The following LRRC4C variants were observed in gnomAD, a reference collection of about 807,000 sequenced individuals.
LRRC4C encodes leucine rich repeat containing 4C.
LRRC4C carries 5 observed loss-of-function variants against 33.6 expected under a neutral mutation model. That is an observed-to-expected ratio of 0.15 (90% CI 0.08 to 0.31). The LOEUF (loss-of-function observed/expected upper bound fraction) is 0.31, where lower values mean the gene tolerates loss of function less well. LRRC4C is among the 10% of genes least tolerant of loss of function. The pLI is 1.00. For missense variants in LRRC4C, 560 were observed against 796.7 expected (o/e 0.70, Z 3.58); for synonymous variants, 329 against 302.0 (o/e 1.09, Z -0.93).
intron 1 of LRRC4C, among the ~76,000 whole-genome samples, chr11:41,263,415 TTC>T (rs1311729231): frequency 1.3e-5 from 2 of 152,294 alleles, no homozygotes; most frequent in Admixed American, 6.5e-5. Flanking sequence ...CATACAATTT[TTC>T]TCAGTGCCAC....
intron 5 of LRRC4C, among the ~76,000 whole-genome samples, chr11:40,202,258 T>G (rs1289762833): frequency 6.7e-6 from 1 of 148,250 alleles, no homozygotes; most frequent in African/African-American, 2.5e-5. Context: ...CACACTTGGC[T>G]GGCCAGAGGG....
At chr11:41,009,239 AT>A (rs1283217480) in intron 1 of LRRC4C, among the ~76,000 whole-genome samples, 8 of 151,994 alleles carry the variant, frequency 5.3e-5, no homozygotes, top group Admixed American at 4.6e-4. Flanking sequence ...AAACATATAT[AT>A]TTTGAATATA....
chr11:41,386,206 T>C (rs988416128), intron 1 of LRRC4C, among the ~76,000 whole-genome samples: 1 of 151,630 alleles, frequency 6.6e-6, no homozygotes, highest in Non-Finnish European at 1.5e-5. Context: ...GGAGCAATAA[T>C]GGATGGCAGT....
intron 1 of LRRC4C, among the ~76,000 whole-genome samples, chr11:41,249,893 C>G (rs1948583647): frequency 6.6e-6 from 1 of 152,112 alleles, no homozygotes; most frequent in South Asian, 2.1e-4. Context: ...TGTGGACTTC[C>G]TTTTCTCCAC....
intron 2 of LRRC4C, among the ~76,000 whole-genome samples, chr11:40,671,434 G>T (rs1446854195): frequency 3.9e-5 from 6 of 152,106 alleles, no homozygotes; most frequent in Non-Finnish European, 8.8e-5. Flanking sequence ...CTTAATTAAA[G>T]GATTGGGAAG....
In LRRC4C at chr11:41,375,699, T is replaced by C. The variant is rs370035394; in HGVS notation, c.-496+83732A>G. Among the ~76,000 whole-genome samples the C allele has an allele frequency of 8.5e-5, 13 of 152,316 alleles. No homozygotes were observed. In the East Asian group the frequency reaches 2.5e-3, roughly 29 times the overall value. ...ATATCACAATACTATAGAACTATTA[T>C]AGTCAAACTATGAATTAATAGCTAT... On this transcript the variant is annotated intron_variant, in intron 1 of 6. Transcript: ENST00000528697.
intron 3 of LRRC4C, among the ~76,000 whole-genome samples, chr11:40,640,326 C>T (rs563049692): frequency 8.8e-4 from 133 of 151,930 alleles, no homozygotes; most frequent in African/African-American, 3.0e-3. Flanking sequence ...TATTTCTATC[C>T]TATTTTGTCT....
chr11:41,182,607 G>A (rs557138396), intron 1 of LRRC4C, among the ~76,000 whole-genome samples: 132 of 152,102 alleles, frequency 8.7e-4, no homozygotes, highest in African/African-American at 3.1e-3. Context: ...ATGTATGCTA[G>A]GATCTCTAAA....
chr11:41,024,092 T>TAG (rs1427569691), intron 1 of LRRC4C, among the ~76,000 whole-genome samples: 1 of 151,634 alleles, frequency 6.6e-6, no homozygotes, highest in Non-Finnish European at 1.5e-5. Flanking sequence ...CCAAATTATA[T>TAG]AGATAGTCCT....
intron 1 of LRRC4C, among the ~76,000 whole-genome samples, chr11:41,414,394 G>GA (rs147172418): frequency 6.6e-6 from 1 of 152,100 alleles, no homozygotes; most frequent in Non-Finnish European, 1.5e-5. Flanking sequence ...TATAGGTGGA[G>GA]AAAAAAGTCT....
chr11:40,778,593 G>C (rs529031986), intron 2 of LRRC4C, among the ~76,000 whole-genome samples: 59 of 152,280 alleles, frequency 3.9e-4, no homozygotes, highest in Non-Finnish European at 7.6e-4. Flanking sequence ...GCAAGCAAGA[G>C]AGAATTCTTG....
At chr11:40,243,194 G>A (rs1260388179) in intron 4 of LRRC4C, among the ~76,000 whole-genome samples, 1 of 152,132 alleles carries the variant, frequency 6.6e-6, no homozygotes, top group Non-Finnish European at 1.5e-5. Context: ...TAAGTTTTAT[G>A]TGTTCAAATT....
chr11:40,989,638 T>G (rs1853358573), intron 1 of LRRC4C, among the ~76,000 whole-genome samples: 1 of 152,176 alleles, frequency 6.6e-6, no homozygotes, highest in Non-Finnish European at 1.5e-5. Context: ...CTTACTATTT[T>G]TACTCAGTTG....
chr11:40,992,856 A>T (rs963970286), intron 1 of LRRC4C, among the ~76,000 whole-genome samples: 2 of 152,174 alleles, frequency 1.3e-5, no homozygotes, highest in African/African-American at 4.8e-5. Context: ...TGAAATCCTG[A>T]CATACCATAG....
chr11:40,863,120 C>G (rs1263284262), intron 2 of LRRC4C, among the ~76,000 whole-genome samples: 1 of 152,210 alleles, frequency 6.6e-6, no homozygotes, highest in Non-Finnish European at 1.5e-5. Context: ...AAAGACTGAG[C>G]AGAGCTAATA....
chr11:40,348,979 T>C (rs956313362), intron 3 of LRRC4C, among the ~76,000 whole-genome samples: 1 of 152,162 alleles, frequency 6.6e-6, no homozygotes, highest in Non-Finnish European at 1.5e-5. Flanking sequence ...ATTTGTGGGG[T>C]ATATGAGATA....
rs1555008817 is a variant in LRRC4C, at chr11:40,936,065, T to TATATATATATATATAA, written c.-495-2343_-495-2342insTTATATATATATATAT. Among the ~76,000 whole-genome samples, 22 of 75,820 alleles carry TATATATATATATATAA rather than the reference T, an allele frequency of 2.9e-4. 4 individuals carry two copies. The highest frequency in any genetic ancestry group is 5.0e-4 in the Non-Finnish European group (18 of 36,134). 49.7% of individuals were successfully genotyped at this position (75,820 alleles called of 152,430 possible). A position where few individuals can be genotyped will look rare whatever the true frequency, so the allele number is the denominator to read the frequency against. On this transcript the variant is annotated intron_variant, in intron 1 of 6. Transcript: ENST00000528697. ...ATATATATATATATATATATATATA[T>TATATATATATATATAA]AACATAGTTTGAACCTTAACTCTGT...
chr11:40,812,409 T>C (rs1256912131), intron 2 of LRRC4C, among the ~76,000 whole-genome samples: 1 of 152,176 alleles, frequency 6.6e-6, no homozygotes, highest in Non-Finnish European at 1.5e-5. Flanking sequence ...ACAGCAATGG[T>C]ATTAATAATA....
chr11:40,396,846 G>A (rs558275598), intron 3 of LRRC4C, among the ~76,000 whole-genome samples: 32 of 152,112 alleles, frequency 2.1e-4, no homozygotes, highest in Admixed American at 1.0e-3. Flanking sequence ...TGTTGAAGAT[G>A]TAAAAACAAA....
Sources: gnomAD v4.1 joint callset for allele counts (sites outside exome capture counted in the v4.1 genomes callset) on GRCh38, gnomAD v4.1.1 for gene constraint, MANE v1.5 for transcripts, NCBI Gene and HGNC (gene_info 2026-07-23, HGNC 2026-07-21) for gene names.